PCDHGA3: variants seen among roughly 807,000 people sequenced by gnomAD.
The protein encoded by PCDHGA3 is protocadherin gamma-A3.
Under a neutral mutation model 58.5 loss-of-function variants are expected in PCDHGA3, and 40 were observed. The ratio of observed to expected loss-of-function variants is 0.68; its 90% CI spans 0.53 to 0.89. The LOEUF (loss-of-function observed/expected upper bound fraction) is 0.89. Among genes scored for constraint, PCDHGA3 ranks in the 40% least tolerant of loss-of-function variants. PCDHGA3 has a pLI of 0.00. For synonymous variants in PCDHGA3, 530 were observed against 525.7 expected (o/e 1.01, Z -0.11); for missense variants, 1,223 against 1,195.9 (o/e 1.02, Z -0.33).
At chr5:141,479,366 T>A (rs2099494042) in intron 1 of PCDHGA3, 1 of 152,302 alleles carries the variant, frequency 6.6e-6, no homozygotes, top group Non-Finnish European at 1.5e-5. Flanking sequence ...GTGCCTGAGG[T>A]GGGAGGATTG....
rs1255512461 is a variant in PCDHGA3 at position 141,395,116 on chromosome 5, T to A, written c.2424+48659T>A. 1.2e-6 allele frequency: 2 copies of A among 1,614,098 alleles called. No homozygotes were observed. Among genetic ancestry groups the A allele is most frequent in the African/African-American group, 1.3e-5 (1 of 74,932 alleles). Reference sequence around the variant, plus strand: ...ACCGCCGACTCGCGGAAGAGTCACCTGATCTTTCCCCAGCCCAACTACGCA... The same window carrying A: ...ACCGCCGACTCGCGGAAGAGTCACCAGATCTTTCCCCAGCCCAACTACGCA... On this transcript the variant is annotated intron_variant, in intron 1 of 3. Coordinates refer to ENST00000253812, the MANE Select transcript of PCDHGA3 (RefSeq NM_018916.4).
At chr5:141,510,238 A>C (rs2099880007) in intron 3 of PCDHGA3, among the ~76,000 whole-genome samples, 1 of 149,340 alleles carries the variant, frequency 6.7e-6, no homozygotes, top group Non-Finnish European at 1.5e-5. Flanking sequence ...GCGCCACTGC[A>C]CTCCAGGCTG....
rs560131895 is a variant in PCDHGA3 at position 141,355,962 on chromosome 5, C to G, written c.2424+9505C>G. 2.5e-6 allele frequency: 4 copies of G among 1,613,898 alleles called. No individual in the cohort carries two copies. Among genetic ancestry groups the G allele is most frequent in the Non-Finnish European group, 3.4e-6 (4 of 1,179,866 alleles). On this transcript the variant is annotated intron_variant, in intron 1 of 3. Coordinates refer to ENST00000253812, the MANE Select transcript of PCDHGA3 (RefSeq NM_018916.4). ...AGTACCACGTAAGTGTTCGTGAGAA[C>G]GTTCCTGTAGGCACTCGGCTACTCA... is the stretch of plus-strand genomic sequence containing the variant.
At chr5:141,375,385 A>G in intron 1 of PCDHGA3, 3 of 1,614,012 alleles carry the variant, frequency 1.9e-6, no homozygotes, top group East Asian at 4.5e-5. Flanking sequence ...CTCTGTCTAC[A>G]GAAACAATCA....
intron 1 of PCDHGA3, among the ~76,000 whole-genome samples, chr5:141,433,397 A>ATCTC (rs1179042498): frequency 6.6e-6 from 1 of 150,410 alleles, no homozygotes; most frequent in African/African-American, 2.5e-5. Flanking sequence ...CTATCTATCT[A>ATCTC]TCTATCTATT....
chr5:141,393,555 C>A lies in PCDHGA3; in HGVS notation c.2424+47098C>A. ...CCCGGTTTTTCCTCACCCGATTTAC[C>A]GAGTGAAAGTCCTTGAGAACATGCC... On this transcript the variant is annotated intron_variant, in intron 1 of 3. Transcript: ENST00000253812. The A allele has an allele frequency of 5.0e-6, 8 of 1,613,928 alleles. 1 individual carries two copies. Among genetic ancestry groups the A allele is most frequent in the Non-Finnish European group, 6.8e-6 (8 of 1,179,886 alleles).
intron 1 of PCDHGA3, among the ~76,000 whole-genome samples, chr5:141,436,517 G>A (rs1398225419): frequency 1.3e-5 from 2 of 152,130 alleles, no homozygotes; most frequent in African/African-American, 4.8e-5. Flanking sequence ...TGTTAACTGT[G>A]TCACCTTTAG....
rs1180919465 is a variant in PCDHGA3 at position 141,410,681 on chromosome 5, G to A, written c.2424+64224G>A. On this transcript the variant is annotated intron_variant, in intron 1 of 3. Coordinates refer to ENST00000253812, the MANE Select transcript of PCDHGA3 (RefSeq NM_018916.4). ...AGTCTACTAGTTTCTCATATTTTAG[G>A]CATACTACTTTATTTTCATATCTAG... The A allele has an allele frequency of 3.9e-6, 6 of 1,535,084 alleles. No homozygotes were observed. The East Asian group carries it at 1.4e-4, about 35-fold the overall frequency.
chr5:141,405,418 T>C (rs2094662415), intron 1 of PCDHGA3: 1 of 1,508,444 alleles, frequency 6.6e-7, no homozygotes, highest in South Asian at 1.2e-5. Context: ...TTTTTTTGTT[T>C]TTTGTTTTGT....
chr5:141,344,109 A>G lies in PCDHGA3; in HGVS notation c.76A>G (p.Thr26Ala), dbSNP rs1757365580. Residue 26 changes from threonine (T) to alanine (A), a missense_variant, in exon 1 of 4, where the codon ACA becomes GCA. Transcript: ENST00000253812. ...LCALLGTLCE[T>A]GSGQIRYSVS... is the part of the protein sequence containing the mutation. ...CGCGCTCCTGGGGACGCTGTGCGAA[A>G]CAGGATCCGGTCAGATCCGCTACTC... 6.2e-7 allele frequency: 1 copy of G among 1,613,872 alleles called. No homozygotes were observed. Among genetic ancestry groups the G allele is most frequent in the Non-Finnish European group, 8.5e-7 (1 of 1,179,886 alleles).
chr5:141,396,654 T>G (rs1489747712), intron 1 of PCDHGA3: 1 of 151,996 alleles, frequency 6.6e-6, no homozygotes, highest in Non-Finnish European at 1.5e-5. Context: ...TAGTAAAAAC[T>G]CGGTATAGGC....
At position 141,365,464 on chromosome 5, in the gene PCDHGA3, A is replaced by C. The variant is rs1763932491; in HGVS notation, c.2424+19007A>C. Reference sequence around the variant, plus strand: ...GCGTACATGATGGTGATTCTGGAGAAAATGGTGAGATTGCATGCTCTATTC... The same window carrying C: ...GCGTACATGATGGTGATTCTGGAGACAATGGTGAGATTGCATGCTCTATTC... On this transcript the variant is annotated intron_variant, in intron 1 of 3. Coordinates refer to ENST00000253812, the MANE Select transcript of PCDHGA3 (RefSeq NM_018916.4). The C allele has an allele frequency of 1.9e-6, 3 of 1,614,072 alleles. No individual in the cohort carries two copies. In the East Asian group the frequency reaches 6.7e-5, roughly 36 times the overall value.
At chr5:141,356,428 C>T in intron 1 of PCDHGA3, 1 of 1,608,476 alleles carries the variant, frequency 6.2e-7, no homozygotes, top group Non-Finnish European at 8.5e-7. Context: ...ACACAGAACA[C>T]TGGACAGGGA....
intron 1 of PCDHGA3, chr5:141,383,482 G>T (rs908975143): frequency 6.2e-7 from 1 of 1,613,500 alleles, no homozygotes; most frequent in Non-Finnish European, 8.5e-7. Context: ...CCCGGAACTG[G>T]TGCTGGAGCG....
chr5:141,437,385 C>T (rs543945898), intron 1 of PCDHGA3, among the ~76,000 whole-genome samples: 12 of 152,202 alleles, frequency 7.9e-5, no homozygotes, highest in Non-Finnish European at 1.6e-4. Flanking sequence ...AGAAGACATT[C>T]ATCCACTGCT....
intron 1 of PCDHGA3, among the ~76,000 whole-genome samples, chr5:141,380,010 C>T (rs1404064282): frequency 6.7e-6 from 1 of 148,282 alleles, no homozygotes; most frequent in Admixed American, 6.9e-5. Flanking sequence ...AGCGATTCTC[C>T]TGCCTCAGCC....
At chr5:141,382,392 C>T (rs1778169191) in intron 1 of PCDHGA3, among the ~76,000 whole-genome samples, 1 of 152,092 alleles carries the variant, frequency 6.6e-6, no homozygotes, top group Non-Finnish European at 1.5e-5. Context: ...AACTGATTTT[C>T]CCATGTGCAA....
intron 1 of PCDHGA3, among the ~76,000 whole-genome samples, chr5:141,353,197 A>G (rs1353088425): frequency 2.0e-5 from 3 of 152,150 alleles, no homozygotes; most frequent in Non-Finnish European, 4.4e-5. Flanking sequence ...AAATCTTGCT[A>G]AAGAGACCTG....
intron 1 of PCDHGA3, chr5:141,352,819 G>T (rs1164186338): frequency 2.5e-6 from 2 of 810,682 alleles, no homozygotes. Flanking sequence ...GTAAAACCCG[G>T]TCTACTAAAA....
Sources: gnomAD v4.1 joint callset for allele counts (sites outside exome capture counted in the v4.1 genomes callset) on GRCh38, gnomAD v4.1.1 for gene constraint, MANE v1.5 for transcripts, NCBI Gene and HGNC (gene_info 2026-07-23, HGNC 2026-07-21) for gene names.